The following NBAS variants were observed in gnomAD, a reference collection of about 807,000 sequenced individuals.
NBAS encodes NBAS subunit of NRZ tethering complex, also known as NAG/BC035112 fusion.
NBAS carries 219 observed loss-of-function variants against 302.5 expected under a neutral mutation model. The observed-to-expected ratio is 0.72, with a 90% CI of 0.65 to 0.81. NBAS has a LOEUF of 0.81. Ranked by LOEUF, NBAS falls within the 30% of genes least tolerant of loss-of-function variation. NBAS has a pLI of 0.00. For synonymous variants in NBAS, 1,118 were observed against 1,021.6 expected, an observed-to-expected ratio of 1.09 and a Z score of -1.80; for missense variants, 2,932 against 2,841.6, an observed-to-expected ratio of 1.03 and a Z score of -0.72.
At chr2:15,041,063 A>G in the NBAS span, among the ~76,000 whole-genome samples, 1 of 152,066 alleles carries the variant, frequency 6.6e-6, no homozygotes, top group East Asian at 1.9e-4. Context: ...CCTACCCACA[A>G]TCCTTCAATA....
chr2:15,211,347 G>A (rs73194956), intron 48 of NBAS, among the ~76,000 whole-genome samples: 3,825 of 152,212 alleles, frequency 0.025, 131 homozygotes, highest in African/African-American at 0.083. Flanking sequence ...GTGGGACAAC[G>A]AACAGTATTT....
the NBAS span, among the ~76,000 whole-genome samples, chr2:14,815,459 GCCC>G: frequency 1.3e-5 from 2 of 152,166 alleles, no homozygotes; most frequent in Middle Eastern, 3.2e-3. Context: ...GCCAAAGAGT[GCCC>G]ATTGGGAAAA....
the NBAS span, among the ~76,000 whole-genome samples, chr2:14,898,921 T>C: frequency 6.6e-5 from 10 of 152,206 alleles, no homozygotes; most frequent in Non-Finnish European, 1.2e-4. Context: ...AACTATTGTG[T>C]CTACGTTTCT....
At chr2:15,043,319 C>T in the NBAS span, among the ~76,000 whole-genome samples, 1 of 152,198 alleles carries the variant, frequency 6.6e-6, no homozygotes, top group Non-Finnish European at 1.5e-5. Flanking sequence ...GTCCTGCTGC[C>T]TCCACCTTCC....
chr2:15,061,191 C>T, the NBAS span, among the ~76,000 whole-genome samples: 6 of 152,176 alleles, frequency 3.9e-5, no homozygotes, highest in Non-Finnish European at 7.3e-5. Context: ...CATACATGCA[C>T]GTGCTCACCT....
Position 15,468,846 on chromosome 2 carries a change from C to T in NBAS, c.1726-313G>A, listed in dbSNP as rs148053094. ...AACTTTTATAAATGCCTTTGGTTTG[C>T]ACCGTGGCTGTATAATAGAGCAGAC... On this transcript the variant is annotated intron_variant, in intron 16 of 51. Coordinates refer to ENST00000281513, the MANE Select transcript of NBAS (RefSeq NM_015909.4). Among the ~76,000 whole-genome samples the T allele has an allele frequency of 4.7e-3, 718 of 152,238 alleles. 8 individuals carry two copies. Among genetic ancestry groups the T allele is most frequent in the African/African-American group, 0.016 (667 of 41,534 alleles).
the NBAS span, among the ~76,000 whole-genome samples, chr2:15,120,799 C>T: frequency 1.3e-5 from 2 of 152,336 alleles, no homozygotes; most frequent in African/African-American, 4.8e-5. Context: ...GGCGAGAACA[C>T]AGCCAGACCA....
chr2:15,095,917 A>C, the NBAS span, among the ~76,000 whole-genome samples: 14 of 152,170 alleles, frequency 9.2e-5, no homozygotes, highest in Admixed American at 9.2e-4. Context: ...GGAGACACTC[A>C]TGGGGCTGCT....
chr2:15,388,229 CAT>C (rs1424103268), intron 28 of NBAS, among the ~76,000 whole-genome samples: 4 of 151,996 alleles, frequency 2.6e-5, no homozygotes, highest in Non-Finnish European at 4.4e-5. Flanking sequence ...TTGCATATCT[CAT>C]GTTAGATTTA....
At position 15,387,175 on chromosome 2, in the gene NBAS, C is replaced by A. The variant is rs186703334; in HGVS notation, c.3258-3858G>T. 6.7e-3 allele frequency among the ~76,000 whole-genome samples: 1,011 copies of A among 151,214 alleles called. 11 individuals carry two copies. Among genetic ancestry groups the A allele is most frequent in the African/African-American group, 0.022 (921 of 41,172 alleles). Reference sequence around the variant, plus strand: ...CTCTGCCTCCCGGGTTCACGCCATTCTCCTGCCTCAGCCTCCCAAGTAGCT... The same window carrying A: ...CTCTGCCTCCCGGGTTCACGCCATTATCCTGCCTCAGCCTCCCAAGTAGCT... On this transcript the variant is annotated intron_variant, in intron 28 of 51. Transcript: ENST00000281513.
At chr2:15,245,317 T>A (rs1199837094) in intron 44 of NBAS, among the ~76,000 whole-genome samples, 1 of 152,024 alleles carries the variant, frequency 6.6e-6, no homozygotes, top group African/African-American at 2.4e-5. Context: ...GCAGGCCCCC[T>A]CAGAGTCTTC....
the NBAS span, chr2:14,890,461 T>C: frequency 6.6e-6 from 1 of 152,174 alleles, no homozygotes; most frequent in Non-Finnish European, 1.5e-5. Context: ...CTGATAAGGG[T>C]ATTATCTATG....
chr2:15,318,616 T>TA (rs1671634374), intron 38 of NBAS, among the ~76,000 whole-genome samples: 1 of 151,980 alleles, frequency 6.6e-6, no homozygotes, highest in South Asian at 2.1e-4. Flanking sequence ...TCTGATAAAA[T>TA]AGACTTTAAA....
chr2:15,412,772 G>C (rs942473000), intron 25 of NBAS, among the ~76,000 whole-genome samples: 1 of 152,148 alleles, frequency 6.6e-6, no homozygotes, highest in African/African-American at 2.4e-5. Context: ...GCTGGGGAGA[G>C]CCATGAAGGG....
the NBAS span, among the ~76,000 whole-genome samples, chr2:14,849,089 G>A: frequency 1.4e-5 from 2 of 146,818 alleles, no homozygotes; most frequent in East Asian, 2.0e-4. Flanking sequence ...TGATTTTGAC[G>A]AGCTGAGAGA....
intron 11 of NBAS, among the ~76,000 whole-genome samples, chr2:15,498,522 T>C (rs949456435): frequency 2.0e-5 from 3 of 152,202 alleles, no homozygotes; most frequent in African/African-American, 4.8e-5. Context: ...GAAGCCAGTA[T>C]GGCAATTCCT....
rs773653311 is a variant in NBAS, at chr2:15,474,104, A to G, written c.1562T>C (p.Leu521Ser). The G allele has an allele frequency of 1.9e-6, 3 of 1,614,216 alleles. No homozygotes were observed. The highest frequency in any genetic ancestry group is 1.7e-5 in the Admixed American group (1 of 60,026). The part of the protein sequence containing the change: ...TITKNYRLVS[L>S]RSTTPEELYQ... ...AAGTTCCTCTGGTGTCGTGGAGCGC[A>G]AACTCACAAGGCGGTAGTTTTTAGT... The change falls in exon 15 of 52, where the codon TTG (leucine) becomes TCG (serine). Residue 521 changes from leucine (L) to serine (S), a missense_variant. Transcript: ENST00000281513.
chr2:15,061,256 G>A, the NBAS span, among the ~76,000 whole-genome samples: 1 of 152,322 alleles, frequency 6.6e-6, no homozygotes, highest in African/African-American at 2.4e-5. Context: ...TGTTGACTGA[G>A]ATGCAGCCTG....
the NBAS span, among the ~76,000 whole-genome samples, chr2:15,060,750 G>A: frequency 2.6e-5 from 4 of 152,180 alleles, no homozygotes; most frequent in Admixed American, 1.3e-4. Context: ...AATGTTTTCA[G>A]CTGTAAAATT....
Sources: allele counts gnomAD v4.1 joint callset (sites outside exome capture counted in the v4.1 genomes callset), GRCh38; gene constraint gnomAD v4.1.1; transcripts MANE v1.5; gene names NCBI Gene and HGNC (gene_info 2026-07-23, HGNC 2026-07-21).